Variants in ADAMTS3 observed in about 807,000 individuals in gnomAD.
ADAMTS3 encodes A disintegrin and metalloproteinase with thrombospondin motifs 3.
In ADAMTS3, 73 loss-of-function variants were observed where a neutral mutation model predicts 129.0. The ratio of observed to expected loss-of-function variants is 0.57; its 90% CI spans 0.47 to 0.69. The LOEUF (loss-of-function observed/expected upper bound fraction) is 0.69. Among genes scored for constraint, ADAMTS3 ranks in the 30% least tolerant of loss-of-function variants. The pLI is 0.00. For missense variants in ADAMTS3, 1,457 were observed against 1,514.5 expected (o/e 0.96, Z 0.63); for synonymous variants, 477 against 510.8 (o/e 0.93, Z 0.89).
At chr4:72,474,920 G>A (rs1719186755) in intron 3 of ADAMTS3, among the ~76,000 whole-genome samples, 1 of 150,840 alleles carries the variant, frequency 6.6e-6, no homozygotes, top group Non-Finnish European at 1.5e-5. Flanking sequence ...CCAGCTACTT[G>A]GGAGGCTGAG....
Position 72,345,524 on chromosome 4 carries a change from A to C in ADAMTS3, c.662-5831T>G, listed in dbSNP as rs543426273. 2.3e-4 allele frequency among the ~76,000 whole-genome samples: 35 copies of C among 152,272 alleles called. No individual in the cohort carries two copies. The South Asian group carries it at 7.0e-3, about 31-fold the overall frequency. ...CAAGATATAAAATGTTTCCGTGAAA[A>C]GGAGCTCTATCCTTCACAAACTGAG... On this transcript the variant is annotated intron_variant, in intron 4 of 21. Coordinates refer to ENST00000286657, the MANE Select transcript of ADAMTS3 (RefSeq NM_014243.3).
At chr4:72,290,751 T>G in intron 20 of ADAMTS3, 104 bp downstream of exon 20, 1 of 1,219,268 alleles carries the variant, frequency 8.2e-7, no homozygotes, top group Non-Finnish European at 1.2e-6. Flanking sequence ...TGCAGTAGTT[T>G]CTCAGTTCAC....
intron 14 of ADAMTS3, among the ~76,000 whole-genome samples, chr4:72,309,865 T>G (rs1004352890): frequency 6.6e-6 from 1 of 152,096 alleles, no homozygotes; most frequent in Admixed American, 6.6e-5. Context: ...CTTGCTGCTC[T>G]CACATTTATG....
chr4:72,565,008 A>G lies in ADAMTS3; in HGVS notation c.97+2366T>C, dbSNP rs1275864030. Among the ~76,000 whole-genome samples the G allele has an allele frequency of 2.0e-5, 3 of 152,298 alleles. No homozygotes were observed. The East Asian group carries it at 5.8e-4, about 29-fold the overall frequency. ...TGAGGGACGTACAGGGATTCCAGTA[A>G]TGTTCAACTTATTGATCCAGCTGCT... On this transcript the variant is annotated intron_variant, in intron 2 of 21. Coordinates refer to ENST00000286657, the MANE Select transcript of ADAMTS3 (RefSeq NM_014243.3).
At chr4:72,551,987 T>C (rs977863567) in intron 2 of ADAMTS3, among the ~76,000 whole-genome samples, 1 of 152,188 alleles carries the variant, frequency 6.6e-6, no homozygotes, top group Non-Finnish European at 1.5e-5. Context: ...AAAAGGCTCT[T>C]ACATTCTAGG....
chr4:72,476,476 A>T (rs958104585), intron 3 of ADAMTS3, among the ~76,000 whole-genome samples: 7 of 152,158 alleles, frequency 4.6e-5, no homozygotes, highest in African/African-American at 1.2e-4. Context: ...TGTACAACTT[A>T]AAAAATCCCA....
chr4:72,413,130 G>A (rs936896777), intron 4 of ADAMTS3, among the ~76,000 whole-genome samples: 4 of 151,786 alleles, frequency 2.6e-5, no homozygotes, highest in Admixed American at 6.6e-5. Flanking sequence ...AAAAGTACTA[G>A]GGCTAATATT....
intron 2 of ADAMTS3, among the ~76,000 whole-genome samples, chr4:72,550,335 G>C (rs1156258425): frequency 6.6e-6 from 1 of 151,930 alleles, no homozygotes; most frequent in African/African-American, 2.4e-5. Flanking sequence ...AAGTATCCTT[G>C]TAGAATCACT....
intron 4 of ADAMTS3, among the ~76,000 whole-genome samples, chr4:72,364,098 G>A (rs35798996): frequency 0.57 from 86,194 of 151,810 alleles, 28,847 homozygotes; most frequent in Non-Finnish European, 0.77. Flanking sequence ...GAAAAGTCAG[G>A]GAACCTAGGA....
Position 72,304,017 on chromosome 4 carries a change from C to T in ADAMTS3, c.2324G>A (p.Arg775Gln), listed in dbSNP as rs752150074. The stretch of plus-strand genomic sequence containing the variant: ...CTCCACACCAAGATCTATGAAGGTC[C>T]GCGACTTGGCTTCCTCCCCTTTGCC... ...LNGKGEEAKSRTFIDLGVEWD... is the reference protein window; with the variant it reads ...LNGKGEEAKSQTFIDLGVEWD... The change falls in exon 17 of 22, where the codon CGG (arginine) becomes CAG (glutamine). Residue 775 changes from arginine (R) to glutamine (Q), a missense_variant. By Grantham distance (43) the Arg-to-Gln change is conservative (BLOSUM62 1). Coordinates refer to ENST00000286657, the MANE Select transcript of ADAMTS3 (RefSeq NM_014243.3). 7.4e-6 allele frequency: 12 copies of T among 1,613,494 alleles called. No homozygotes were observed. The highest frequency in any genetic ancestry group is 6.7e-5 in the Admixed American group (4 of 59,956).
At position 72,549,987 on chromosome 4, in the gene ADAMTS3, A is replaced by G. The variant is rs1401322435; in HGVS notation, c.98-1103T>C. On this transcript the variant is annotated intron_variant, in intron 2 of 21. Transcript: ENST00000286657. ...AAAGAAGAAGAAGAAGAAGAAGAAG[A>G]AGAAGAGGAAGAGGAAGAAGAAGAA... 1.5e-3 allele frequency among the ~76,000 whole-genome samples: 34 copies of G among 22,472 alleles called. 2 individuals carry two copies. The highest frequency in any genetic ancestry group is 8.0e-3 in the African/African-American group (31 of 3,896). 14.7% of individuals were successfully genotyped at this position (22,472 alleles called of 152,430 possible).
chr4:72,375,685 G>T (rs1381553655), intron 4 of ADAMTS3, among the ~76,000 whole-genome samples: 1 of 152,042 alleles, frequency 6.6e-6, no homozygotes, highest in Non-Finnish European at 1.5e-5. Flanking sequence ...TAAAAGAGGA[G>T]GTCCTTTCTA....
intron 2 of ADAMTS3, among the ~76,000 whole-genome samples, chr4:72,557,371 C>T (rs73825788): frequency 0.03 from 4,506 of 151,806 alleles, 368 homozygotes; most frequent in African/African-American, 0.1. Flanking sequence ...TACACATCTT[C>T]CCTCAAAAGC....
chr4:72,563,472 T>C (rs1038632022), intron 2 of ADAMTS3, among the ~76,000 whole-genome samples: 11 of 152,156 alleles, frequency 7.2e-5, no homozygotes, highest in African/African-American at 2.7e-4. Context: ...ATGCCAGCAA[T>C]AGGGCAAATG....
At chr4:72,510,847 G>GAA (rs1720296523) in intron 3 of ADAMTS3, among the ~76,000 whole-genome samples, 5 of 135,646 alleles carry the variant, frequency 3.7e-5, no homozygotes, top group Admixed American at 7.8e-5. Flanking sequence ...AAAAAAAACT[G>GAA]GAGGAATCAC....
chr4:72,285,194 T>C (rs775091273), intron 21 of ADAMTS3, among the ~76,000 whole-genome samples: 7 of 152,206 alleles, frequency 4.6e-5, no homozygotes, highest in African/African-American at 7.2e-5. Flanking sequence ...ATTACCAACA[T>C]TGAGCTGTAA....
intron 17 of ADAMTS3, 131 bp from the exon 18 acceptor site, chr4:72,298,573 T>C (rs1718868934): frequency 3.0e-6 from 2 of 666,068 alleles, no homozygotes; most frequent in East Asian, 5.7e-5. Flanking sequence ...AATTATAATG[T>C]TTTTATTTCT....
At position 72,311,192 on chromosome 4, in the gene ADAMTS3, T is replaced by A. The variant is rs780843214; in HGVS notation, c.1922-11A>T. On this transcript the variant is annotated splice_polypyrimidine_tract_variant and intron_variant, in intron 13 of 21. Transcript: ENST00000286657. ...GGCATCTTTTCTTGGCTGCATAAGATGGAGGATAAAATTAACTATTTACAT... is the reference window on the plus strand; with the variant it reads ...GGCATCTTTTCTTGGCTGCATAAGAAGGAGGATAAAATTAACTATTTACAT... The A allele has an allele frequency of 1.3e-5, 21 of 1,604,172 alleles. No individual in the cohort carries two copies. Among genetic ancestry groups the A allele is most frequent in the Non-Finnish European group, 1.8e-5 (21 of 1,175,372 alleles).
rs114047663 is a variant in ADAMTS3, at chr4:72,359,315, A to G, written c.662-19622T>C. Among the ~76,000 whole-genome samples, 960 of 152,150 alleles carry G rather than the reference A, an allele frequency of 6.3e-3. 13 individuals are homozygous for G. The highest frequency in any genetic ancestry group is 0.022 in the African/African-American group (928 of 41,542). On this transcript the variant is annotated intron_variant, in intron 4 of 21. Coordinates refer to ENST00000286657, the MANE Select transcript of ADAMTS3 (RefSeq NM_014243.3). ...TTTCTATAAAATGGAGATACCACCC[A>G]TGAGACCTATTCTGGACCTCAAGGT...
Sources: allele counts gnomAD v4.1 joint callset (sites outside exome capture counted in the v4.1 genomes callset), GRCh38; gene constraint gnomAD v4.1.1; transcripts MANE v1.5; gene names NCBI Gene and HGNC (gene_info 2026-07-23, HGNC 2026-07-21).